Variants in MYO16 observed in about 807,000 individuals in gnomAD.
MYO16 encodes the protein myosin XVI.
A neutral mutation model predicts 205.3 loss-of-function variants in MYO16; 94 were observed. The ratio of observed to expected loss-of-function variants is 0.46; its 90% CI spans 0.39 to 0.54. The LOEUF is 0.54. Ranked by LOEUF, MYO16 falls within the 20% of genes least tolerant of loss-of-function variation. The pLI is 0.00. For synonymous variants in MYO16, 988 were observed against 954.0 expected, an observed-to-expected ratio of 1.04 and a Z score of -0.66; for missense variants, 2,315 against 2,387.5, an observed-to-expected ratio of 0.97 and a Z score of 0.63.
chr13:108,577,757 A>G, the MYO16 span, among the ~76,000 whole-genome samples: 1 of 152,242 alleles, frequency 6.6e-6, no homozygotes, highest in Admixed American at 6.5e-5. Context: ...GATGCTAGGA[A>G]AGGTGATCGA....
chr13:109,048,827 A>C (rs1401307687), intron 24 of MYO16: 1 of 144,112 alleles, frequency 6.9e-6, no homozygotes, highest in African/African-American at 2.5e-5. Flanking sequence ...TAGAATGTAC[A>C]CAAGCAGAGC....
At chr13:108,591,992 G>T (rs958079951), upstream of MYO16, among the ~76,000 whole-genome samples, 54 of 144,168 alleles carry the variant, frequency 3.7e-4, no homozygotes, top group African/African-American at 1.3e-3. Flanking sequence ...TGGATAAAAA[G>T]ATACAAAATA....
chr13:108,517,619 C>A, the MYO16 span, among the ~76,000 whole-genome samples: 1 of 152,118 alleles, frequency 6.6e-6, no homozygotes, highest in African/African-American at 2.4e-5. Context: ...GTCTAATATC[C>A]CAAGTTCATG....
At chr13:108,667,391 A>C (rs2139436619) in intron 2 of MYO16, among the ~76,000 whole-genome samples, 1 of 151,904 alleles carries the variant, frequency 6.6e-6, no homozygotes, top group South Asian at 2.1e-4. Context: ...AGTACCTAAA[A>C]ACATTTGGTG....
In MYO16 at chr13:109,040,385, C is replaced by CACAGAGAGAGAG. The variant is rs1394314811; in HGVS notation, c.2797-6530_2797-6529insCAGAGAGAGAGA. Among the ~76,000 whole-genome samples the CACAGAGAGAGAG allele has an allele frequency of 8.4e-4, 95 of 113,286 alleles. 3 individuals are homozygous for CACAGAGAGAGAG. In the East Asian group the frequency reaches 0.031, roughly 37 times the overall value. The allele number at this position is 113,286 out of a possible 152,430, so 74.3% of individuals were successfully genotyped here. A position where few individuals can be genotyped will look rare whatever the true frequency, so the allele number is the denominator to read the frequency against. On this transcript the variant is annotated intron_variant, in intron 23 of 34. Transcript: ENST00000457511. ...ATACACACACACACACACACACACA[C>CACAGAGAGAGAG]AGAGAGAGAGAGAGAGAGAGAGAGA...
the MYO16 span, among the ~76,000 whole-genome samples, chr13:108,572,096 A>T: frequency 3.3e-5 from 5 of 151,590 alleles, no homozygotes; most frequent in Admixed American, 6.6e-5. Flanking sequence ...ATTATTAAAA[A>T]ATATATATAT....
chr13:109,180,180 G>T (rs188426572), intron 34 of MYO16, among the ~76,000 whole-genome samples: 1 of 152,210 alleles, frequency 6.6e-6, no homozygotes, highest in East Asian at 1.9e-4. Context: ...ATTACTGATT[G>T]CATGTAAATG....
At chr13:108,583,885 T>C in the MYO16 span, among the ~76,000 whole-genome samples, 1 of 152,330 alleles carries the variant, frequency 6.6e-6, no homozygotes, top group South Asian at 2.1e-4. Flanking sequence ...GAAAAGACAT[T>C]ATCAAAAGAT....
intron 1 of MYO16, among the ~76,000 whole-genome samples, chr13:108,663,495 T>C (rs11838997): frequency 0.035 from 5,272 of 152,254 alleles, 279 homozygotes; most frequent in African/African-American, 0.12. Flanking sequence ...TGGGGAATTA[T>C]TTAGCAAAAA....
the MYO16 span, among the ~76,000 whole-genome samples, chr13:108,549,823 G>C: frequency 6.6e-6 from 1 of 152,172 alleles, no homozygotes; most frequent in Non-Finnish European, 1.5e-5. Flanking sequence ...GTGATTAAAA[G>C]TTTAAAAGAC....
At chr13:108,504,965 T>C in the MYO16 span, among the ~76,000 whole-genome samples, 1 of 152,258 alleles carries the variant, frequency 6.6e-6, no homozygotes, top group East Asian at 1.9e-4. Context: ...GATTCATCTA[T>C]GTTCTAGTCT....
At chr13:108,922,860 C>T (rs912777527) in intron 16 of MYO16, among the ~76,000 whole-genome samples, 2 of 152,144 alleles carry the variant, frequency 1.3e-5, no homozygotes, top group African/African-American at 4.8e-5. Flanking sequence ...AACATTTGTT[C>T]AGCACTGAGT....
At chr13:108,981,714 G>A (rs1373060941) in intron 20 of MYO16, among the ~76,000 whole-genome samples, 2 of 152,222 alleles carry the variant, frequency 1.3e-5, no homozygotes, top group Non-Finnish European at 1.5e-5. Flanking sequence ...TGACACACAC[G>A]ATTATGAACA....
chr13:108,631,365 A>C (rs1879973766), intron 1 of MYO16, among the ~76,000 whole-genome samples: 1 of 152,206 alleles, frequency 6.6e-6, no homozygotes. Context: ...CACCAAACAC[A>C]ATATGAGTCT....
intron 33 of MYO16, among the ~76,000 whole-genome samples, chr13:109,177,337 CTTGT>C (rs1221945691): frequency 6.6e-6 from 1 of 152,122 alleles, no homozygotes; most frequent in African/African-American, 2.4e-5. Flanking sequence ...TTCGTTCTTC[CTTGT>C]ATTTCTCAGC....
intron 28 of MYO16, among the ~76,000 whole-genome samples, chr13:109,109,755 T>C (rs1399447074): frequency 6.6e-6 from 1 of 151,626 alleles, no homozygotes; most frequent in Non-Finnish European, 1.5e-5. Flanking sequence ...CTCTAGATGA[T>C]GGAAAAGACT....
chr13:108,921,266 C>T (rs1881735002), intron 16 of MYO16, among the ~76,000 whole-genome samples: 1 of 152,170 alleles, frequency 6.6e-6, no homozygotes, highest in South Asian at 2.1e-4. Context: ...GGAGTGACCA[C>T]CTCTTTCTGA....
intron 29 of MYO16, among the ~76,000 whole-genome samples, chr13:109,120,748 T>G (rs1875949979): frequency 6.6e-6 from 1 of 152,176 alleles, no homozygotes; most frequent in Admixed American, 6.5e-5. Flanking sequence ...CCTATGTGAA[T>G]CTCTAATGGG....
At chr13:108,705,822 A>T (rs1035855294) in intron 2 of MYO16, among the ~76,000 whole-genome samples, 24 of 152,342 alleles carry the variant, frequency 1.6e-4, no homozygotes, top group African/African-American at 5.5e-4. Flanking sequence ...TGATAGGCTT[A>T]TATCGAATAG....
Sources: gnomAD v4.1 joint callset for allele counts (sites outside exome capture counted in the v4.1 genomes callset) on GRCh38, gnomAD v4.1.1 for gene constraint, MANE v1.5 for transcripts, NCBI Gene and HGNC (gene_info 2026-07-23, HGNC 2026-07-21) for gene names.